Variants in XYLT1 observed in about 807,000 individuals in gnomAD.
The protein encoded by XYLT1 is beta-D-xylosyltransferase 1.
In XYLT1, 36 loss-of-function variants were observed where a neutral mutation model predicts 91.3. The ratio of observed to expected loss-of-function variants is 0.39; its 90% CI spans 0.30 to 0.52. The LOEUF (loss-of-function observed/expected upper bound fraction) is 0.52, where lower values mean the gene tolerates loss of function less well. XYLT1 is among the 20% of genes least tolerant of loss of function. The pLI, the probability that XYLT1 is intolerant of heterozygous loss-of-function variation, is 0.68. For missense variants in XYLT1, 1,242 were observed against 1,284.5 expected (o/e 0.97, Z 0.51); for synonymous variants, 588 against 532.0 (o/e 1.11, Z -1.45).
chr16:17,329,963 CATGTTCCATCAATAGCTGTTGA>C (rs779814862), intron 2 of XYLT1, among the ~76,000 whole-genome samples: 3 of 152,174 alleles, frequency 2.0e-5, no homozygotes, highest in Non-Finnish European at 2.9e-5. Context: ...GCCCATAGTA[CATGTTCCATCAATAGCTGTTGA>C]ATGAACCAAT....
At chr16:17,259,582 C>A in intron 2 of XYLT1, 84 bp from the exon 3 acceptor site, 1 of 1,497,786 alleles carries the variant, frequency 6.7e-7, no homozygotes, top group Non-Finnish European at 9.0e-7. Flanking sequence ...GTGAGTCATA[C>A]GGACTTGGAA....
intron 3 of XYLT1, among the ~76,000 whole-genome samples, chr16:17,211,447 T>C (rs1310176543): frequency 6.6e-6 from 1 of 152,198 alleles, no homozygotes; most frequent in Non-Finnish European, 1.5e-5. Flanking sequence ...ACCTCCCTGC[T>C]AGAGAGACAG....
intron 1 of XYLT1, among the ~76,000 whole-genome samples, chr16:17,457,829 A>G (rs1399820540): frequency 6.6e-6 from 1 of 152,362 alleles, no homozygotes; most frequent in Non-Finnish European, 1.5e-5. Context: ...ATAGTCCTCC[A>G]TTAAAAAATA....
At chr16:17,248,096 C>T (rs899988381) in intron 3 of XYLT1, among the ~76,000 whole-genome samples, 6 of 152,100 alleles carry the variant, frequency 3.9e-5, no homozygotes, top group Non-Finnish European at 7.4e-5. Context: ...ATGGGAGGAA[C>T]CTGGTGGGAG....
chr16:17,155,795 G>A (rs1381278696), intron 6 of XYLT1, among the ~76,000 whole-genome samples: 1 of 152,188 alleles, frequency 6.6e-6, no homozygotes, highest in Non-Finnish European at 1.5e-5. Flanking sequence ...TTGGAGGGAG[G>A]TGTAAGAAGC....
chr16:17,295,336 T>TG (rs948229555), intron 2 of XYLT1, among the ~76,000 whole-genome samples: 11 of 109,756 alleles, frequency 1.0e-4, no homozygotes, highest in African/African-American at 3.6e-4. Context: ...GCCAGGTTTT[T>TG]GTTTTGTTTT....
At chr16:17,111,872 C>T (rs1966841639) in intron 11 of XYLT1, among the ~76,000 whole-genome samples, 1 of 152,188 alleles carries the variant, frequency 6.6e-6, no homozygotes, top group Non-Finnish European at 1.5e-5. Flanking sequence ...GTTTGGAAGT[C>T]TGGTCCTAAC....
chr16:17,470,650 T>C lies in XYLT1; in HGVS notation c.147A>G (p.Ala49=). Residue 49 remains alanine, a synonymous_variant, in exon 1 of 12, where the codon GCA becomes GCG. Coordinates refer to ENST00000261381, the MANE Select transcript of XYLT1 (RefSeq NM_022166.4). ...GCGGCTGCTCCCCGCCGCCGACCGC[T>C]GCGCCCCCGCGGCGCTCCCCGGCCC... is the stretch of plus-strand genomic sequence containing the variant. ...DSGAGERRGG[A]AVGGGEQPPP... is the part of the protein sequence containing the mutation. 3.6e-6 allele frequency: 4 copies of C among 1,117,278 alleles called. No homozygotes were observed. The highest frequency in any genetic ancestry group is 2.2e-5 in the South Asian group (1 of 46,096). The allele number at this position is 1,117,278 out of a possible 1,614,324, so 69.2% of individuals were successfully genotyped here.
chr16:17,161,714 T>C (rs9933117), intron 5 of XYLT1, among the ~76,000 whole-genome samples: 102,813 of 150,738 alleles, frequency 0.68, 35,388 homozygotes, highest in East Asian at 0.75. Context: ...CTCACACACG[T>C]TTCTCACTCT....
In XYLT1 at chr16:17,218,298, G is replaced by T. The variant is rs143165402; in HGVS notation, c.914-17644C>A. ...CCAAAAAAACAAACAACAACAACAA[G>T]AACAACAAAACAAAGCGAAAAAGCA... On this transcript the variant is annotated intron_variant, in intron 3 of 11. Transcript: ENST00000261381. 2.2e-3 allele frequency among the ~76,000 whole-genome samples: 329 copies of T among 150,936 alleles called. 2 individuals carry two copies. Among genetic ancestry groups the T allele is most frequent in the African/African-American group, 7.4e-3 (307 of 41,240 alleles).
intron 6 of XYLT1, 101 bp from the exon 7 acceptor site, chr16:17,141,470 T>A: frequency 1.7e-6 from 2 of 1,170,286 alleles, no homozygotes; most frequent in Non-Finnish European, 2.4e-6. Context: ...TGATGGCAAT[T>A]ATTGAGTGCC....
chr16:17,124,771 G>T (rs8046728), intron 10 of XYLT1, among the ~76,000 whole-genome samples: 97,933 of 152,084 alleles, frequency 0.64, 32,544 homozygotes, highest in Non-Finnish European at 0.71. Context: ...CCCAAACTTC[G>T]TGAAGGCTTT....
At chr16:17,332,478 C>T (rs113836119) in intron 2 of XYLT1, among the ~76,000 whole-genome samples, 12,458 of 152,006 alleles carry the variant, frequency 0.082, 529 homozygotes, top group Non-Finnish European at 0.1. Context: ...AGAAGAATCA[C>T]TTGGACCCGG....
intron 3 of XYLT1, among the ~76,000 whole-genome samples, chr16:17,245,447 C>A (rs1018980794): frequency 6.6e-6 from 1 of 152,202 alleles, no homozygotes; most frequent in African/African-American, 2.4e-5. Context: ...GCAACATAAA[C>A]CCTCCTCAAA....
intron 11 of XYLT1, among the ~76,000 whole-genome samples, chr16:17,111,838 C>T (rs186883907): frequency 6.6e-6 from 1 of 152,290 alleles, no homozygotes; most frequent in East Asian, 1.9e-4. Context: ...GCTGCTTTCT[C>T]CCACGGTAGT....
intron 1 of XYLT1, among the ~76,000 whole-genome samples, chr16:17,374,710 TAGAA>T (rs2035575244): frequency 6.6e-6 from 1 of 150,990 alleles, no homozygotes; most frequent in South Asian, 2.1e-4. Flanking sequence ...CTGTCTAAAA[TAGAA>T]GGACAAAAAA....
At chr16:17,235,627 G>A (rs1367032669) in intron 3 of XYLT1, among the ~76,000 whole-genome samples, 1 of 152,156 alleles carries the variant, frequency 6.6e-6, no homozygotes, top group Non-Finnish European at 1.5e-5. Flanking sequence ...GATACTGAGT[G>A]GGGAATTATG....
chr16:17,131,741 T>C (rs974338307), intron 9 of XYLT1, among the ~76,000 whole-genome samples: 2 of 152,240 alleles, frequency 1.3e-5, no homozygotes, highest in Non-Finnish European at 2.9e-5. Flanking sequence ...GGTTATATTA[T>C]AGACTGGAAA....
intron 2 of XYLT1, among the ~76,000 whole-genome samples, chr16:17,349,778 A>G (rs568001408): frequency 1.6e-4 from 25 of 152,054 alleles, no homozygotes; most frequent in African/African-American, 5.6e-4. Context: ...TGCTTAATTC[A>G]TGTTACATAA....
Sources: gnomAD v4.1 joint callset for allele counts (sites outside exome capture counted in the v4.1 genomes callset) on GRCh38, gnomAD v4.1.1 for gene constraint, MANE v1.5 for transcripts, NCBI Gene and HGNC (gene_info 2026-07-23, HGNC 2026-07-21) for gene names.